Variants in ADAP1 observed in about 807,000 individuals in gnomAD.
ADAP1 encodes the protein arf-GAP with dual PH domain-containing protein 1.
Under a neutral mutation model 54.9 loss-of-function variants are expected in ADAP1, and 31 were observed. The ratio of observed to expected loss-of-function variants is 0.56; its 90% CI spans 0.42 to 0.76. The LOEUF is 0.76. ADAP1 is among the 30% of genes least tolerant of loss of function. The pLI, the probability that ADAP1 is intolerant of heterozygous loss-of-function variation, is 0.00. For synonymous variants in ADAP1, 313 were observed against 202.6 expected (o/e 1.55, Z -4.63); for missense variants, 535 against 512.4 (o/e 1.04, Z -0.42).
chr7:906,730 T>TGGAC (rs1845441895), intron 4 of ADAP1, among the ~76,000 whole-genome samples: 1 of 66,942 alleles, frequency 1.5e-5, no homozygotes, highest in Non-Finnish European at 2.6e-5. Context: ...GGACGGGACA[T>TGGAC]GGGGGACAGA....
chr7:936,667 A>G (rs556457135), intron 1 of ADAP1, among the ~76,000 whole-genome samples: 1 of 152,296 alleles, frequency 6.6e-6, no homozygotes, highest in East Asian at 1.9e-4. Context: ...AAGGGAGTGG[A>G]ATGGCTGAAA....
chr7:932,976 G>A (rs1032225330), intron 2 of ADAP1, among the ~76,000 whole-genome samples: 5 of 152,088 alleles, frequency 3.3e-5, no homozygotes, highest in Non-Finnish European at 4.4e-5. Flanking sequence ...CTGCAGCCTC[G>A]AATTCCTTGG....
chr7:934,591 TC>T (rs1344063332), intron 2 of ADAP1, among the ~76,000 whole-genome samples: 3 of 151,962 alleles, frequency 2.0e-5, no homozygotes, highest in Admixed American at 1.3e-4. Context: ...GGGGTGACCC[TC>T]CCACCGGGTC....
intron 8 of ADAP1, among the ~76,000 whole-genome samples, chr7:899,696 C>T (rs886133904): frequency 6.6e-6 from 1 of 152,178 alleles, no homozygotes; most frequent in African/African-American, 2.4e-5. Flanking sequence ...CCTGCTCCTC[C>T]AGGTCCCCCA....
At chr7:900,836 A>T in intron 6 of ADAP1, 1 of 644,862 alleles carries the variant, frequency 1.6e-6, no homozygotes, top group South Asian at 1.6e-5. Context: ...GCGGGAGGGC[A>T]GGTGCAGCCT....
At chr7:908,106 A>T (rs1201138724) in intron 4 of ADAP1, among the ~76,000 whole-genome samples, 1 of 152,118 alleles carries the variant, frequency 6.6e-6, no homozygotes, top group Non-Finnish European at 1.5e-5. Context: ...AGCCCCGGTC[A>T]TCTGAGGGCA....
chr7:899,287 C>CG (rs755512331), intron 9 of ADAP1, 26 bp from the exon 10 acceptor site: 37 of 1,611,178 alleles, frequency 2.3e-5, no homozygotes, highest in Non-Finnish European at 3.0e-5. Context: ...GCACTGGAGG[C>CG]GGGGCCATGT....
chr7:900,848 C>T (rs1844766654), intron 6 of ADAP1: 3 of 639,802 alleles, frequency 4.7e-6, no homozygotes, highest in Non-Finnish European at 8.7e-6. Context: ...GTGCAGCCTC[C>T]CCCGGCGAAG....
At chr7:919,332 CCAG>C (rs1332294999) in intron 4 of ADAP1, among the ~76,000 whole-genome samples, 3 of 152,294 alleles carry the variant, frequency 2.0e-5, no homozygotes, top group Admixed American at 2.0e-4. Context: ...GTGGCCACCA[CCAG>C]CAGAGGAGGG....
intron 4 of ADAP1, among the ~76,000 whole-genome samples, chr7:908,693 C>T (rs1845580823): frequency 6.6e-6 from 1 of 152,236 alleles, no homozygotes. Flanking sequence ...TCTTTGGACG[C>T]GGCGCTTCGT....
Position 926,623 on chromosome 7 carries a change from C to T in ADAP1, c.235G>A (p.Asp79Asn), listed in dbSNP as rs770303688. Reference protein sequence around the residue: ...QVEFMASHGNDAARARFESKV... With the variant: ...QVEFMASHGNNAARARFESKV... The stretch of plus-strand genomic sequence containing the variant: ...GACTCAAACCTGGCTCTCGCGGCGT[C>T]GTTCCCGTGGGAGGCCATGAACTGC... Residue 79 changes from aspartate to asparagine, a missense_variant, in exon 3 of 11, where the codon GAC becomes AAC. Physicochemically the swap from Asp to Asn is conservative, Grantham distance 23. Transcript: ENST00000265846. This position sits in a 1 kb window ranked among gnomAD's most constrained non-coding sequence, Gnocchi z 4.6. 17 of 1,543,962 alleles carry T rather than the reference C, an allele frequency of 1.1e-5. No homozygotes were observed. In the Admixed American group the frequency reaches 1.2e-4, roughly 11 times the overall value.
Position 899,455 on chromosome 7 carries a change from C to T in ADAP1, c.831G>A (p.Met277Ile), listed in dbSNP as rs1844671905. 2.5e-6 allele frequency: 4 copies of T among 1,613,206 alleles called. No individual in the cohort carries two copies. Among genetic ancestry groups the T allele is most frequent in the Non-Finnish European group, 3.4e-6 (4 of 1,179,908 alleles). ...TEGFRKRWFT[M>I]DDRRLMYFKD... The stretch of plus-strand genomic sequence containing the variant: ...TGAAGTACATGAGCCTGCGGTCATC[C>T]ATGGTGAACCAGCGCTTCCGGAAGC... Residue 277 changes from methionine (M) to isoleucine (I), a missense_variant, in exon 9 of 11, where the codon ATG becomes ATA. Met to Ile is a conservative substitution (Grantham distance 10). Transcript: ENST00000265846.
At position 915,875 on chromosome 7, in the gene ADAP1, C is replaced by T. The variant is rs545951689; in HGVS notation, c.388+4093G>A. Among the ~76,000 whole-genome samples, 4 of 152,224 alleles carry T rather than the reference C, an allele frequency of 2.6e-5. No individual in the cohort carries two copies. In the East Asian group the frequency reaches 5.8e-4, roughly 22 times the overall value. On this transcript the variant is annotated intron_variant, in intron 4 of 10. Transcript: ENST00000265846. ...ACCCAGAACCCGCGCCCACTTTCCA[C>T]GAGACGCTGTCTGCCACCCGCCTGC...
intron 1 of ADAP1, among the ~76,000 whole-genome samples, chr7:944,091 AC>A (rs1332330820): frequency 6.6e-6 from 1 of 151,428 alleles, no homozygotes; most frequent in African/African-American, 2.4e-5. Flanking sequence ...ACTTTAAAAA[AC>A]TTTTTGTAGA....
intron 4 of ADAP1, among the ~76,000 whole-genome samples, chr7:917,490 A>G (rs1173485133): frequency 6.6e-6 from 1 of 152,128 alleles, no homozygotes. Context: ...TTTGAGACAG[A>G]CTTTTGCTCT....
Position 922,618 on chromosome 7 carries a change from C to T in ADAP1, c.306-2568G>A, listed in dbSNP as rs140847610. On this transcript the variant is annotated intron_variant, in intron 3 of 10. Coordinates refer to ENST00000265846, the MANE Select transcript of ADAP1 (RefSeq NM_006869.4). ...TCCACTCCTGAGTGTGCCTTCTGCC[C>T]GAGTTCTGCCAGTTTCCACCGCATG... Among the ~76,000 whole-genome samples, 792 of 152,080 alleles carry T rather than the reference C, an allele frequency of 5.2e-3. 7 individuals carry two copies. Among genetic ancestry groups the T allele is most frequent in the African/African-American group, 0.018 (732 of 41,472 alleles).
At chr7:955,116 C>T (rs1847355326), upstream of ADAP1, among the ~76,000 whole-genome samples, 1 of 152,138 alleles carries the variant, frequency 6.6e-6, no homozygotes, top group African/African-American at 2.4e-5. Context: ...CGCCAGCGTC[C>T]CAGGGCACTG....
rs763757699 is a variant in ADAP1 at position 931,073 on chromosome 7, GGGAAGGAAGGAC to G, written c.213+4290_213+4301del. Among the ~76,000 whole-genome samples, 10 of 150,934 alleles carry G rather than the reference GGGAAGGAAGGAC, an allele frequency of 6.6e-5. No individual in the cohort carries two copies. The East Asian group carries it at 7.8e-4, about 12-fold the overall frequency. On this transcript the variant is annotated intron_variant, in intron 2 of 10. Transcript: ENST00000265846. ...AGGGAGGGAAGAAAGGAAGGCAGGAGGGAAGGAAGGACGGAAGGAAGGACGGAGGGACGGAGA... is the reference window on the plus strand; with the variant it reads ...AGGGAGGGAAGAAAGGAAGGCAGGAGGGAAGGAAGGACGGAGGGACGGAGA...
At chr7:903,908 CACCTGTCTTCCCATG>C in intron 6 of ADAP1, 1 of 558,504 alleles carries the variant, frequency 1.8e-6, no homozygotes. Flanking sequence ...TGCCTTCCTG[CACCTGTCTTCCCATG>C]CTGCCCGGCG....
Sources: gnomAD v4.1 joint callset for allele counts (sites outside exome capture counted in the v4.1 genomes callset) on GRCh38, gnomAD v4.1.1 for gene constraint, Gnocchi (gnomAD v3.1) non-coding constraint, MANE v1.5 for transcripts, NCBI Gene and HGNC (gene_info 2026-07-23, HGNC 2026-07-21) for gene names.